Variants in CNTNAP2 observed in about 807,000 individuals in gnomAD.
CNTNAP2 encodes contactin-associated protein-like 2.
CNTNAP2 carries 98 observed loss-of-function variants against 155.2 expected under a neutral mutation model. The observed-to-expected ratio is 0.63, with a 90% confidence interval of 0.54 to 0.75. CNTNAP2 has a LOEUF of 0.75. Among genes scored for constraint, CNTNAP2 ranks in the 30% least tolerant of loss-of-function variants. The pLI, the probability that CNTNAP2 is intolerant of heterozygous loss-of-function variation, is 0.00. For missense variants in CNTNAP2, 1,727 were observed against 1,688.1 expected, an observed-to-expected ratio of 1.02 and a Z score of -0.40; for synonymous variants, 651 against 631.2, an observed-to-expected ratio of 1.03 and a Z score of -0.47.
intron 1 of CNTNAP2, among the ~76,000 whole-genome samples, chr7:146,258,757 C>A (rs1046156831): frequency 6.6e-6 from 1 of 152,160 alleles, no homozygotes; most frequent in Non-Finnish European, 1.5e-5. Flanking sequence ...CCATTCTTTT[C>A]GTCACTGCTA....
intron 8 of CNTNAP2, among the ~76,000 whole-genome samples, chr7:147,278,994 G>A (rs1804968672): frequency 2.0e-5 from 3 of 151,284 alleles, no homozygotes; most frequent in Admixed American, 2.0e-4. Context: ...TACATAGCTT[G>A]CTAGACATAG....
chr7:146,444,588 T>C (rs2129120627), intron 1 of CNTNAP2, among the ~76,000 whole-genome samples: 1 of 152,098 alleles, frequency 6.6e-6, no homozygotes, highest in South Asian at 2.1e-4. Flanking sequence ...CTGTTGCCAC[T>C]TTACTGATCA....
At chr7:146,712,853 C>G (rs1361413930) in intron 1 of CNTNAP2, among the ~76,000 whole-genome samples, 2 of 151,930 alleles carry the variant, frequency 1.3e-5, no homozygotes, top group Non-Finnish European at 2.9e-5. Flanking sequence ...CATAACCATA[C>G]ATTTTAGATG....
chr7:147,841,542 G>T (rs753952037), intron 13 of CNTNAP2, among the ~76,000 whole-genome samples: 5 of 151,744 alleles, frequency 3.3e-5, no homozygotes, highest in Non-Finnish European at 7.4e-5. Context: ...CATAGACTCT[G>T]TTTTGCAAAA....
intron 10 of CNTNAP2, among the ~76,000 whole-genome samples, chr7:147,462,248 G>A (rs981463415): frequency 7.2e-5 from 11 of 152,044 alleles, no homozygotes; most frequent in South Asian, 2.1e-4. Context: ...CTGCCCATGC[G>A]TCTACGAAAA....
At chr7:146,724,604 C>T (rs2129178209) in intron 1 of CNTNAP2, among the ~76,000 whole-genome samples, 1 of 128,708 alleles carries the variant, frequency 7.8e-6, no homozygotes, top group Admixed American at 9.0e-5. Context: ...CAGAGTCTCG[C>T]TCTGTCGCCA....
intron 1 of CNTNAP2, among the ~76,000 whole-genome samples, chr7:146,196,272 A>G (rs1358756235): frequency 6.6e-6 from 1 of 152,194 alleles, no homozygotes; most frequent in African/African-American, 2.4e-5. Context: ...CCATGGAATT[A>G]CCTTATTTAT....
chr7:147,708,159 G>A (rs1216444033), intron 13 of CNTNAP2, among the ~76,000 whole-genome samples: 1 of 152,172 alleles, frequency 6.6e-6, no homozygotes, highest in Non-Finnish European at 1.5e-5. Flanking sequence ...GCTTTCAGTG[G>A]CAGCAGCTGT....
chr7:147,787,514 T>C (rs1489814206), intron 13 of CNTNAP2, among the ~76,000 whole-genome samples: 1 of 152,242 alleles, frequency 6.6e-6, no homozygotes, highest in African/African-American at 2.4e-5. Context: ...ATGGCTTAAA[T>C]TATTCATTAT....
At chr7:146,967,938 C>T (rs1007198155) in intron 3 of CNTNAP2, among the ~76,000 whole-genome samples, 3 of 150,720 alleles carry the variant, frequency 2.0e-5, no homozygotes, top group Admixed American at 6.6e-5. Context: ...ATGATATTGG[C>T]TGTGGGTTTG....
intron 2 of CNTNAP2, among the ~76,000 whole-genome samples, chr7:146,786,628 A>T (rs1283776069): frequency 6.6e-6 from 1 of 152,210 alleles, no homozygotes. Context: ...AAAACATGAC[A>T]TTTAAGACAG....
intron 4 of CNTNAP2, among the ~76,000 whole-genome samples, chr7:147,092,405 T>A (rs1800426523): frequency 1.3e-5 from 2 of 152,204 alleles, no homozygotes; most frequent in Admixed American, 1.3e-4. Flanking sequence ...TGCCAGATCT[T>A]TTCAAGAGAA....
intron 8 of CNTNAP2, among the ~76,000 whole-genome samples, chr7:147,196,890 C>A (rs1467483661): frequency 6.6e-6 from 1 of 152,096 alleles, no homozygotes; most frequent in Non-Finnish European, 1.5e-5. Flanking sequence ...GATTTGCCAC[C>A]ACAGCTGACT....
At chr7:147,582,190 A>T (rs57670741) in intron 12 of CNTNAP2, among the ~76,000 whole-genome samples, 2,992 of 151,500 alleles carry the variant, frequency 0.02, 94 homozygotes, top group African/African-American at 0.069. Context: ...TTTACCCTGA[A>T]CTGGTTTACA....
intron 14 of CNTNAP2, among the ~76,000 whole-genome samples, chr7:147,943,590 G>A (rs1398580024): frequency 2.6e-5 from 4 of 151,752 alleles, no homozygotes; most frequent in Admixed American, 6.6e-5. Context: ...CCAACATGGT[G>A]AAGCCCCGTC....
chr7:146,551,737 G>T (rs1798125689), intron 1 of CNTNAP2, among the ~76,000 whole-genome samples: 1 of 152,062 alleles, frequency 6.6e-6, no homozygotes, highest in African/African-American at 2.4e-5. Flanking sequence ...GACCACATTT[G>T]TACAGAGTCC....
intron 2 of CNTNAP2, among the ~76,000 whole-genome samples, chr7:146,797,192 C>T (rs1005436285): frequency 6.6e-6 from 1 of 152,054 alleles, no homozygotes; most frequent in Non-Finnish European, 1.5e-5. Context: ...AAAGGGTGGG[C>T]CAGTTGCACC....
intron 1 of CNTNAP2, among the ~76,000 whole-genome samples, chr7:146,436,622 T>G (rs1192035152): frequency 2.0e-5 from 3 of 151,952 alleles, no homozygotes; most frequent in Admixed American, 2.0e-4. Context: ...AAAACACAGT[T>G]TAGAAGAAAC....
chr7:146,565,576 T>C (rs879435824), intron 1 of CNTNAP2, among the ~76,000 whole-genome samples: 1 of 152,170 alleles, frequency 6.6e-6, no homozygotes, highest in Non-Finnish European at 1.5e-5. Flanking sequence ...TTTGAAAAAT[T>C]GAAAATCAGT....
Sources: allele counts gnomAD v4.1 joint callset (sites outside exome capture counted in the v4.1 genomes callset), GRCh38; gene constraint gnomAD v4.1.1; transcripts MANE v1.5; gene names NCBI Gene and HGNC (gene_info 2026-07-23, HGNC 2026-07-21).